TTC39B: variants seen among roughly 807,000 people sequenced by gnomAD.
TTC39B encodes tetratricopeptide repeat domain 39B, also known as tetratricopeptide repeat protein 39B.
Under a neutral mutation model 96.6 loss-of-function variants are expected in TTC39B, and 92 were observed. The ratio of observed to expected loss-of-function variants is 0.95; its 90% CI spans 0.80 to 1.13. TTC39B has a LOEUF of 1.13. TTC39B is among the 50% of genes most tolerant of loss of function. The pLI is 0.00. For synonymous variants in TTC39B, 367 were observed against 299.4 expected, an observed-to-expected ratio of 1.23 and a Z score of -2.33; for missense variants, 955 against 809.3, an observed-to-expected ratio of 1.18 and a Z score of -2.18.
rs988242638 is a variant in TTC39B, at chr9:15,186,698, GT to G, written c.1487+245del. ...GTTGATGCTACAGTTAATATACATGGTTTTTTTTTGGAGACAGAGTCTCACT... is the reference window on the plus strand; with the variant it reads ...GTTGATGCTACAGTTAATATACATGGTTTTTTTTGGAGACAGAGTCTCACT... On this transcript the variant is annotated intron_variant, in intron 15 of 19. Transcript: ENST00000512701. 726 of 340,078 alleles carry G rather than the reference GT, an allele frequency of 2.1e-3. 4 individuals carry two copies. The highest frequency in any genetic ancestry group is 0.011 in the African/African-American group (523 of 46,844). The allele number at this position is 340,078 out of a possible 1,614,324, so 21.1% of individuals were successfully genotyped here.
At chr9:15,271,246 T>C (rs1409952881) in intron 1 of TTC39B, among the ~76,000 whole-genome samples, 1 of 152,186 alleles carries the variant, frequency 6.6e-6, no homozygotes, top group Non-Finnish European at 1.5e-5. Flanking sequence ...AGAGTGTATT[T>C]GTGTTTAATT....
In TTC39B at chr9:15,306,359, G is replaced by C. The variant is rs563728905; in HGVS notation, c.240+725C>G. 6.6e-6 allele frequency among the ~76,000 whole-genome samples: 1 copy of C among 152,190 alleles called. No homozygotes were observed. The highest frequency in any genetic ancestry group is 6.5e-5 in the Admixed American group (1 of 15,290). On this transcript the variant is annotated intron_variant, in intron 1 of 19. Transcript: ENST00000512701. The surrounding 1 kb of genome is among the most constrained non-coding windows in gnomAD (Gnocchi z 5.1). ...CCGGGCGCGCCACGACTGAAGGAGT[G>C]GCTAATTACTCAAACACAGTTGAAA...
At chr9:15,233,897 A>T (rs1406366526) in intron 2 of TTC39B, among the ~76,000 whole-genome samples, 1 of 145,142 alleles carries the variant, frequency 6.9e-6, no homozygotes, top group Non-Finnish European at 1.5e-5. Context: ...CTGCCATCCC[A>T]TCTAGGAAGT....
intron 1 of TTC39B, among the ~76,000 whole-genome samples, chr9:15,276,381 T>G (rs1158483988): frequency 6.6e-6 from 1 of 152,240 alleles, no homozygotes; most frequent in African/African-American, 2.4e-5. Flanking sequence ...TTCTGTAAAT[T>G]AGAGATGCCC....
intron 1 of TTC39B, among the ~76,000 whole-genome samples, chr9:15,287,878 G>A (rs991539054): frequency 2.1e-4 from 31 of 149,554 alleles, no homozygotes; most frequent in Admixed American, 1.9e-3. Context: ...CCCAGGAGGC[G>A]GAGCTTGCAG....
At chr9:15,207,854 G>A (rs1335938991) in intron 6 of TTC39B, among the ~76,000 whole-genome samples, 1 of 150,504 alleles carries the variant, frequency 6.6e-6, no homozygotes, top group African/African-American at 2.4e-5. Flanking sequence ...CGTGGTGGCG[G>A]GCACCTGTAA....
chr9:15,214,161 C>A, exon 4 of TTC39B: 1 of 1,613,584 alleles, frequency 6.2e-7, no homozygotes, highest in Non-Finnish European at 8.5e-7. Flanking sequence ...AATTCTAAGG[C>A]GTCTGTAAAT....
chr9:15,266,843 G>A (rs1324289442), intron 2 of TTC39B, among the ~76,000 whole-genome samples: 1 of 152,164 alleles, frequency 6.6e-6, no homozygotes, highest in Non-Finnish European at 1.5e-5. Context: ...ACTTTGGGAG[G>A]ACAAGAGGGG....
At chr9:15,198,872 T>C (rs1366386375) in intron 8 of TTC39B, among the ~76,000 whole-genome samples, 3 of 152,158 alleles carry the variant, frequency 2.0e-5, no homozygotes, top group Non-Finnish European at 4.4e-5. Context: ...CAAAGACTAA[T>C]TATAAAAAGC....
intron 2 of TTC39B, among the ~76,000 whole-genome samples, chr9:15,243,778 C>CAT (rs1450914402): frequency 6.6e-6 from 1 of 152,170 alleles, no homozygotes. Flanking sequence ...TATGTAGTGG[C>CAT]ATACACCTGC....
At chr9:15,233,216 G>A (rs1389189242) in intron 2 of TTC39B, among the ~76,000 whole-genome samples, 2 of 152,150 alleles carry the variant, frequency 1.3e-5, no homozygotes, top group African/African-American at 2.4e-5. Flanking sequence ...AGAGAAAACT[G>A]GTTCGAGAAG....
At chr9:15,197,886 T>A (rs1819267874) in intron 8 of TTC39B, among the ~76,000 whole-genome samples, 1 of 152,140 alleles carries the variant, frequency 6.6e-6, no homozygotes, top group African/African-American at 2.4e-5. Context: ...ATACTATAGT[T>A]AGCAAAAATA....
rs551845290 is a variant in TTC39B at position 15,234,467 on chromosome 9, C to T, written c.276-8455G>A. ...CTGGGAGGTGAGGGGCGCCTCTGCCCGGCCGCCCCTGCTGGGAAGTGAGGA... is the reference window on the plus strand; with the variant it reads ...CTGGGAGGTGAGGGGCGCCTCTGCCTGGCCGCCCCTGCTGGGAAGTGAGGA... On this transcript the variant is annotated intron_variant, in intron 2 of 19. Coordinates refer to ENST00000512701, the Ensembl canonical transcript of TTC39B. 2.4e-3 allele frequency among the ~76,000 whole-genome samples: 361 copies of T among 151,766 alleles called. 1 individual carries two copies. The highest frequency in any genetic ancestry group is 8.3e-3 in the African/African-American group (343 of 41,412).
At chr9:15,178,071 G>C (rs377194316) in intron 17 of TTC39B, among the ~76,000 whole-genome samples, 1 of 151,656 alleles carries the variant, frequency 6.6e-6, no homozygotes, top group Non-Finnish European at 1.5e-5. Flanking sequence ...GGGTTTCACC[G>C]TGTTAGCCAG....
intron 1 of TTC39B, among the ~76,000 whole-genome samples, chr9:15,305,654 C>T (rs1294299476): frequency 1.3e-5 from 2 of 150,808 alleles, no homozygotes; most frequent in Non-Finnish European, 2.9e-5. Context: ...CAGAGTTTCA[C>T]CCACAGAAAC....
intron 15 of TTC39B, 172 bp from the exon 16 acceptor site, chr9:15,185,578 C>T: frequency 1.0e-6 from 1 of 954,592 alleles, no homozygotes; most frequent in Non-Finnish European, 1.5e-6. Context: ...ACTGAATCAG[C>T]AACTCCAGGG....
chr9:15,170,817 TG>T (rs371530962), exon 20 of TTC39B: 33 of 152,344 alleles, frequency 2.2e-4, no homozygotes, highest in African/African-American at 7.2e-4. Flanking sequence ...TGATGATGAT[TG>T]AAAAATAAAA....
rs1472522780 is a variant in TTC39B, at chr9:15,190,714, T to C, written c.997-52A>G. On this transcript the variant is annotated intron_variant, in intron 10 of 19. Coordinates refer to ENST00000512701, the Ensembl canonical transcript of TTC39B. The stretch of plus-strand genomic sequence containing the variant: ...AAGAGAACAAGACTGGAAAATCATA[T>C]TCAGAAACTTTTTAAACATTTTTAT... 3 of 1,440,904 alleles carry C rather than the reference T, an allele frequency of 2.1e-6. No individual in the cohort carries two copies. In the East Asian group the frequency reaches 6.9e-5, roughly 33 times the overall value. The allele number at this position is 1,440,904 out of a possible 1,614,324, so 89.3% of individuals were successfully genotyped here.
At chr9:15,217,807 T>C (rs573116501) in intron 3 of TTC39B, among the ~76,000 whole-genome samples, 44 of 152,236 alleles carry the variant, frequency 2.9e-4, no homozygotes, top group African/African-American at 8.7e-4. Context: ...TCATTCTGCC[T>C]CCTCAGATTA....
Sources: gnomAD v4.1 joint callset for allele counts (sites outside exome capture counted in the v4.1 genomes callset) on GRCh38, gnomAD v4.1.1 for gene constraint, Gnocchi (gnomAD v3.1) non-coding constraint, MANE v1.5 for transcripts, NCBI Gene and HGNC (gene_info 2026-07-23, HGNC 2026-07-21) for gene names.